BLTP3B: variants seen among roughly 807,000 people sequenced by gnomAD.
BLTP3B encodes the protein UHRF1 (ICBP90) binding protein 1-like.
chr12:100,039,518 A>G, the BLTP3B span: 1 of 1,349,412 alleles, frequency 7.4e-7, no homozygotes, highest in Non-Finnish European at 1.0e-6. Context: ...AAATAAGTAA[A>G]CAATGTTTTA....
the BLTP3B span, chr12:100,058,255 T>C: frequency 1.2e-6 from 2 of 1,613,508 alleles, no homozygotes; most frequent in Non-Finnish European, 1.7e-6. Context: ...AAGATACTAC[T>C]TGAATCTGTA....
the BLTP3B span, among the ~76,000 whole-genome samples, chr12:100,091,344 C>T: frequency 3.3e-5 from 5 of 151,550 alleles, no homozygotes; most frequent in East Asian, 1.9e-4. Context: ...CCCGCCACCA[C>T]GCCCAGCTAA....
At chr12:100,119,229 T>C in the BLTP3B span, among the ~76,000 whole-genome samples, 1 of 152,136 alleles carries the variant, frequency 6.6e-6, no homozygotes, top group Non-Finnish European at 1.5e-5. Flanking sequence ...AGGGATAAAT[T>C]TGTCAAAAGG....
chr12:100,037,627 C>A, the BLTP3B span: 1 of 1,606,340 alleles, frequency 6.2e-7, no homozygotes, highest in South Asian at 1.1e-5. Context: ...GTTTTGACTG[C>A]CACTCCTGCT....
At chr12:100,060,494 C>T in the BLTP3B span, among the ~76,000 whole-genome samples, 3 of 152,262 alleles carry the variant, frequency 2.0e-5, no homozygotes, top group African/African-American at 7.2e-5. Flanking sequence ...TAATCTATAT[C>T]TTCTAAAATG....
chr12:100,130,982 G>GAGAGAGAGA, the BLTP3B span, among the ~76,000 whole-genome samples: 2 of 62,238 alleles, frequency 3.2e-5, no homozygotes, highest in Non-Finnish European at 5.8e-5. Flanking sequence ...AGAGAGGGAG[G>GAGAGAGAGA]GAGAGAGAGA....
chr12:100,133,903 A>G, the BLTP3B span, among the ~76,000 whole-genome samples: 1 of 152,226 alleles, frequency 6.6e-6, no homozygotes, highest in East Asian at 1.9e-4. Context: ...TATAACTTTT[A>G]TTACAATATA....
At chr12:100,099,608 A>C in the BLTP3B span, among the ~76,000 whole-genome samples, 5 of 151,230 alleles carry the variant, frequency 3.3e-5, no homozygotes, top group African/African-American at 1.2e-4. Flanking sequence ...TTAGCTGAGC[A>C]TGGTAACACT....
the BLTP3B span, among the ~76,000 whole-genome samples, chr12:100,098,850 G>A: frequency 1.4e-4 from 22 of 151,896 alleles, no homozygotes; most frequent in Middle Eastern, 6.8e-3. Flanking sequence ...TGGAGGTTGC[G>A]GTTAGCTCAG....
chr12:100,046,733 A>T, the BLTP3B span, among the ~76,000 whole-genome samples: 1 of 152,292 alleles, frequency 6.6e-6, no homozygotes, highest in South Asian at 2.1e-4. Context: ...AATAATAATA[A>T]TAAAAAGGAA....
At chr12:100,138,827 G>A in the BLTP3B span, among the ~76,000 whole-genome samples, 1 of 151,942 alleles carries the variant, frequency 6.6e-6, no homozygotes, top group Non-Finnish European at 1.5e-5. Flanking sequence ...ATTTGCAAGC[G>A]CCTGTTCACA....
chr12:100,099,963 C>T, the BLTP3B span, among the ~76,000 whole-genome samples: 345 of 148,352 alleles, frequency 2.3e-3, no homozygotes, highest in African/African-American at 8.1e-3. Flanking sequence ...TCAGACACAA[C>T]AATCTAGTCT....
At chr12:100,103,172 C>A in the BLTP3B span, among the ~76,000 whole-genome samples, 4 of 151,998 alleles carry the variant, frequency 2.6e-5, no homozygotes, top group African/African-American at 9.7e-5. Flanking sequence ...TCTCTACTCC[C>A]AGATATATTC....
At chr12:100,135,130 C>T in the BLTP3B span, among the ~76,000 whole-genome samples, 1 of 152,172 alleles carries the variant, frequency 6.6e-6, no homozygotes, top group Non-Finnish European at 1.5e-5. Context: ...TCGCATCTTC[C>T]TCTTCTCACT....
At chr12:100,050,174 G>C in the BLTP3B span, 1 of 1,502,418 alleles carries the variant, frequency 6.7e-7, no homozygotes. Context: ...TTACCAACTG[G>C]ACGATTACAA....
At chr12:100,104,136 T>C in the BLTP3B span, among the ~76,000 whole-genome samples, 1 of 152,068 alleles carries the variant, frequency 6.6e-6, no homozygotes, top group Non-Finnish European at 1.5e-5. Flanking sequence ...ACCCATTTTA[T>C]TTAAGAAATT....
At chr12:100,138,487 C>T in the BLTP3B span, among the ~76,000 whole-genome samples, 43 of 152,320 alleles carry the variant, frequency 2.8e-4, no homozygotes, top group African/African-American at 8.7e-4. Context: ...CAATGTAGAA[C>T]GTCTAGCAGC....
At chr12:100,037,372 T>C in the BLTP3B span, 1 of 1,093,556 alleles carries the variant, frequency 9.1e-7, no homozygotes, top group African/African-American at 1.7e-5. Context: ...GGCATGTAAT[T>C]ATTTTACACT....
At chr12:100,052,790 G>GTTTTTTTT in the BLTP3B span, among the ~76,000 whole-genome samples, 1 of 114,340 alleles carries the variant, frequency 8.7e-6, no homozygotes, top group African/African-American at 3.3e-5. Flanking sequence ...TTTCTTTTCT[G>GTTTTTTTT]TTTTTTTTTT....
Sources: allele counts gnomAD v4.1 joint callset (sites outside exome capture counted in the v4.1 genomes callset), GRCh38; gene constraint gnomAD v4.1.1; transcripts MANE v1.5; gene names NCBI Gene and HGNC (gene_info 2026-07-23, HGNC 2026-07-21).